Variants in PCDHGA10 observed in about 807,000 individuals in gnomAD.
The protein encoded by PCDHGA10 is protocadherin gamma-A10.
PCDHGA10 carries 42 observed loss-of-function variants against 59.5 expected under a neutral mutation model. That is an observed-to-expected ratio of 0.71 (90% CI 0.55 to 0.91). The LOEUF (loss-of-function observed/expected upper bound fraction) is 0.91. PCDHGA10 is among the 40% of genes least tolerant of loss of function. The pLI is 0.00. For synonymous variants in PCDHGA10, 511 were observed against 517.2 expected, an observed-to-expected ratio of 0.99 and a Z score of 0.16; for missense variants, 1,111 against 1,198.2, an observed-to-expected ratio of 0.93 and a Z score of 1.07.
intron 1 of PCDHGA10, among the ~76,000 whole-genome samples, chr5:141,458,338 G>A (rs1160200932): frequency 2.6e-5 from 4 of 152,134 alleles, no homozygotes; most frequent in African/African-American, 9.7e-5. Context: ...GTTTTAAGGA[G>A]TGGAGAGTTT....
chr5:141,419,138 A>G (rs1590146439), intron 1 of PCDHGA10: 1 of 1,613,920 alleles, frequency 6.2e-7, no homozygotes, highest in Non-Finnish European at 8.5e-7. Flanking sequence ...AGCCACAGAC[A>G]GGGGCAAGCC....
rs746989617 is a variant in PCDHGA10 at position 141,422,853 on chromosome 5, C to G, written c.2436+7242C>G. On this transcript the variant is annotated intron_variant, in intron 1 of 3. Transcript: ENST00000398610. ...TAGCACGTGACAGCGGGGACCCGCC[C>G]CTCAGCAGCAACGTGTCGCTGAGCC... 16 of 1,614,146 alleles carry G rather than the reference C, an allele frequency of 9.9e-6. 1 individual carries two copies. In the South Asian group the frequency reaches 1.6e-4, roughly 17 times the overall value.
At position 141,415,384 on chromosome 5, in the gene PCDHGA10, A is replaced by C; in HGVS notation, c.2209A>C (p.Thr737Pro). The C allele has an allele frequency of 1.9e-6, 3 of 1,614,180 alleles. No homozygotes were observed. The highest frequency in any genetic ancestry group is 2.5e-6 in the Non-Finnish European group (3 of 1,180,016). The change falls in exon 1 of 4, where the codon ACA becomes CCA. Residue 737 changes from threonine (T) to proline (P), a missense_variant. Physicochemically the swap from Thr to Pro is conservative, Grantham distance 38. Coordinates refer to ENST00000398610, the MANE Select transcript of PCDHGA10 (RefSeq NM_018913.3). ...RLLQASGGGL[T>P]GVSGSHFVGV... ...GCTGCAGGCTTCAGGAGGCGGCTTG[A>C]CAGGTGTGTCCGGCTCGCACTTTGT...
chr5:141,477,817 C>G lies in PCDHGA10; in HGVS notation c.2437-16990C>G, dbSNP rs1593824080. 2 of 1,614,138 alleles carry G rather than the reference C, an allele frequency of 1.2e-6. No individual in the cohort carries two copies. The highest frequency in any genetic ancestry group is 8.5e-7 in the Non-Finnish European group (1 of 1,180,038). ...ATCGCAATGACAATGCCCCCCAGGT[C>G]CTATATCCTCGGCCAGGTGGGAGCT... is the stretch of plus-strand genomic sequence containing the variant. On this transcript the variant is annotated intron_variant, in intron 1 of 3. Coordinates refer to ENST00000398610, the MANE Select transcript of PCDHGA10 (RefSeq NM_018913.3). This position sits in a 1 kb window ranked among gnomAD's most constrained non-coding sequence, Gnocchi z 4.9.
At chr5:141,479,273 T>G (rs1723290487) in intron 1 of PCDHGA10, 1 of 152,386 alleles carries the variant, frequency 6.6e-6, no homozygotes, top group South Asian at 2.1e-4. Context: ...AGTAATAATT[T>G]ATTTCAAAAA....
intron 1 of PCDHGA10, among the ~76,000 whole-genome samples, chr5:141,473,195 C>G (rs1053769499): frequency 6.6e-6 from 1 of 152,104 alleles, no homozygotes; most frequent in Non-Finnish European, 1.5e-5. Flanking sequence ...GTAAATGTAT[C>G]TTCTAAAAAA....
chr5:141,433,209 T>A, intron 1 of PCDHGA10: 3 of 465,024 alleles, frequency 6.5e-6, no homozygotes, highest in South Asian at 1.0e-4. Context: ...ATCTTCTTTC[T>A]TTTTTTTTTT....
rs140088812 is a variant in PCDHGA10, at chr5:141,489,695, T to C, written c.2437-5112T>C. The C allele has an allele frequency of 6.2e-7, 1 of 1,614,088 alleles. No homozygotes were observed. The highest frequency in any genetic ancestry group is 1.3e-5 in the African/African-American group (1 of 75,026). On this transcript the variant is annotated intron_variant, in intron 1 of 3. Transcript: ENST00000398610. This position sits in a 1 kb window ranked among gnomAD's most constrained non-coding sequence, Gnocchi z 4.5. ...GAATCAGCAGCATCTGGGGCACGAT[T>C]CCCACTGGACAGTGCCCAGGATCCG...
In PCDHGA10 at chr5:141,511,067, C is replaced by T. The variant is rs760786015; in HGVS notation, c.2705C>T (p.Pro902Leu). The change falls in exon 4 of 4, where the codon CCA (proline) becomes CTA (leucine). Residue 902 changes from proline (P) to leucine (L), a missense_variant. Pro to Leu is a moderately conservative substitution (Grantham distance 98). Coordinates refer to ENST00000398610, the MANE Select transcript of PCDHGA10 (RefSeq NM_018913.3). ...VPDYRQNVYI[P>L]GSNATLTNAA... ...GACTACCGCCAGAATGTCTACATCC[C>T]AGGCAGCAATGCCACACTGACCAAC... 7.4e-6 allele frequency: 12 copies of T among 1,614,136 alleles called. No homozygotes were observed. Among genetic ancestry groups the T allele is most frequent in the African/African-American group, 1.3e-5 (1 of 74,942 alleles).
In PCDHGA10 at chr5:141,485,985, T is replaced by C. The variant is rs748867624; in HGVS notation, c.2437-8822T>C. 5.6e-6 allele frequency: 9 copies of C among 1,614,086 alleles called. No homozygotes were observed. Among genetic ancestry groups the C allele is most frequent in the South Asian group, 5.5e-5 (5 of 91,094 alleles). On this transcript the variant is annotated intron_variant, in intron 1 of 3. Coordinates refer to ENST00000398610, the MANE Select transcript of PCDHGA10 (RefSeq NM_018913.3). The surrounding 1 kb of genome is among the most constrained non-coding windows in gnomAD (Gnocchi z 5.7). ...CAGCTCAATGCCTCAGACCCGGACC[T>C]GGGTCCCAGTGGTAACGTCACCTTT...
Position 141,458,007 on chromosome 5 carries a change from C to T in PCDHGA10, c.2437-36800C>T, listed in dbSNP as rs142050242. Among the ~76,000 whole-genome samples the T allele has an allele frequency of 1.3e-3, 200 of 152,274 alleles. 1 individual carries two copies. The East Asian group carries it at 0.032, about 24-fold the overall frequency. ...TCAGTTAAAGCCTTGGCAAAATAAC[C>T]GGTTTTTCCAATTGTGTTCTGTTGA... On this transcript the variant is annotated intron_variant, in intron 1 of 3. Transcript: ENST00000398610.
rs780436102 is a variant in PCDHGA10 at position 141,431,846 on chromosome 5, G to T, written c.2436+16235G>T. On this transcript the variant is annotated intron_variant, in intron 1 of 3. Coordinates refer to ENST00000398610, the MANE Select transcript of PCDHGA10 (RefSeq NM_018913.3). The surrounding 1 kb of genome is among the most constrained non-coding windows in gnomAD (Gnocchi z 4.8). ...CTCGGTTCCCGAAAACTCTCCCAGA[G>T]GGACATTAATTGCCCTTTTAAATGT... 4 of 1,614,274 alleles carry T rather than the reference G, an allele frequency of 2.5e-6. No homozygotes were observed. The South Asian group carries it at 4.4e-5, about 18-fold the overall frequency.
Position 141,415,437 on chromosome 5 carries a change from G to A in PCDHGA10, c.2262G>A (p.Leu754=). Residue 754 remains leucine, a synonymous_variant, in exon 1 of 4, where the codon CTG becomes CTA. Coordinates refer to ENST00000398610, the MANE Select transcript of PCDHGA10 (RefSeq NM_018913.3). The part of the protein sequence containing the change: ...FVGVDGVRAF[L]QTYSHEVSLT... ...GCGTGGACGGGGTTCGGGCTTTCCT[G>A]CAGACCTATTCCCACGAGGTCTCTC... is the stretch of plus-strand genomic sequence containing the variant. 6.2e-7 allele frequency: 1 copy of A among 1,614,200 alleles called. No individual in the cohort carries two copies. The highest frequency in any genetic ancestry group is 8.5e-7 in the Non-Finnish European group (1 of 1,180,038).
intron 1 of PCDHGA10, chr5:141,428,086 G>C: frequency 1.9e-6 from 3 of 1,609,122 alleles, no homozygotes; most frequent in Non-Finnish European, 1.7e-6. Context: ...CACAACGCTT[G>C]GCTGTCCTAC....
At chr5:141,451,607 C>T (rs2154563647) in intron 1 of PCDHGA10, among the ~76,000 whole-genome samples, 1 of 152,288 alleles carries the variant, frequency 6.6e-6, no homozygotes, top group Non-Finnish European at 1.5e-5. Context: ...CAAGGCTAGG[C>T]ATGGTGGCTC....
At chr5:141,438,997 C>T (rs2098080665) in intron 1 of PCDHGA10, among the ~76,000 whole-genome samples, 1 of 151,716 alleles carries the variant, frequency 6.6e-6, no homozygotes, top group Admixed American at 6.6e-5. Flanking sequence ...AGGCTAAGGA[C>T]CTGGTTTGTT....
At chr5:141,447,649 T>C (rs909020761) in intron 1 of PCDHGA10, among the ~76,000 whole-genome samples, 1 of 152,206 alleles carries the variant, frequency 6.6e-6, no homozygotes, top group Non-Finnish European at 1.5e-5. Context: ...TGGTAGAATT[T>C]TCCCCCCCAG....
chr5:141,484,121 C>A (rs1451102473), intron 1 of PCDHGA10, among the ~76,000 whole-genome samples: 1 of 152,152 alleles, frequency 6.6e-6, no homozygotes, highest in African/African-American at 2.4e-5. Context: ...TCAAGAATAC[C>A]TTGGTGTCAG....
rs61612330 is a variant in PCDHGA10 at position 141,454,796 on chromosome 5, A to ATTTTTTTTTT, written c.2436+39205_2436+39214dup. Among the ~76,000 whole-genome samples, 264 of 77,454 alleles carry ATTTTTTTTTT rather than the reference A, an allele frequency of 3.4e-3. 39 individuals carry two copies. Among genetic ancestry groups the ATTTTTTTTTT allele is most frequent in the African/African-American group, 0.012 (196 of 16,878 alleles). 50.8% of individuals were successfully genotyped at this position (77,454 alleles called of 152,430 possible). A position where few individuals can be genotyped will look rare whatever the true frequency, so the allele number is the denominator to read the frequency against. ...AAGGAAATAATCCTCCATGGTTCTA[A>ATTTTTTTTTT]TTTTTTTTTTTTTTTTTTTTTTTTT... On this transcript the variant is annotated intron_variant, in intron 1 of 3. Transcript: ENST00000398610.
Sources: allele counts gnomAD v4.1 joint callset (sites outside exome capture counted in the v4.1 genomes callset), GRCh38; gene constraint gnomAD v4.1.1; non-coding constraint Gnocchi (gnomAD v3.1); transcripts MANE v1.5; gene names NCBI Gene and HGNC (gene_info 2026-07-23, HGNC 2026-07-21).